Variants in TMCO5A observed in about 807,000 individuals in gnomAD.
TMCO5A encodes the protein transmembrane and coiled-coil domains 5A.
In TMCO5A, 34 loss-of-function variants were observed where a neutral mutation model predicts 42.3. The ratio of observed to expected loss-of-function variants is 0.80; its 90% CI spans 0.61 to 1.07. TMCO5A has a LOEUF of 1.07. TMCO5A is among the 50% of genes least tolerant of loss of function. The pLI is 0.00. For synonymous variants in TMCO5A, 131 were observed against 115.6 expected (o/e 1.13, Z -0.86); for missense variants, 357 against 327.9 (o/e 1.09, Z -0.69).
At chr15:37,990,500 C>G in the TMCO5A span, among the ~76,000 whole-genome samples, 1 of 151,974 alleles carries the variant, frequency 6.6e-6, no homozygotes, top group Non-Finnish European at 1.5e-5. Flanking sequence ...ATTCATATCT[C>G]TGGATCTAAA....
the TMCO5A span, among the ~76,000 whole-genome samples, chr15:37,976,214 C>T: frequency 6.6e-6 from 1 of 151,674 alleles, no homozygotes. Context: ...CACCGCACTC[C>T]AGCCTGGGTG....
chr15:37,980,585 C>T, the TMCO5A span, among the ~76,000 whole-genome samples: 3 of 141,706 alleles, frequency 2.1e-5, no homozygotes, highest in Non-Finnish European at 3.0e-5. Flanking sequence ...GCCACTCTTT[C>T]TCCTCTCTGT....
the TMCO5A span, among the ~76,000 whole-genome samples, chr15:37,981,865 G>A: frequency 6.6e-6 from 1 of 152,186 alleles, no homozygotes; most frequent in African/African-American, 2.4e-5. Flanking sequence ...ATAGATGCCA[G>A]CAGCTGGCCT....
the TMCO5A span, among the ~76,000 whole-genome samples, chr15:37,992,098 G>A: frequency 6.6e-6 from 1 of 151,996 alleles, no homozygotes; most frequent in Non-Finnish European, 1.5e-5. Flanking sequence ...GCAAAACTAT[G>A]TATCTGACAA....
At chr15:37,964,093 G>C (rs1758631866) in intron 11 of TMCO5A, among the ~76,000 whole-genome samples, 2 of 152,152 alleles carry the variant, frequency 1.3e-5, no homozygotes, top group South Asian at 4.1e-4. Context: ...CGTATTACCA[G>C]AGTTGGTTTT....
chr15:38,007,872 CTTTTTTTTTTTTTTTTTTTTTTTT>C, the TMCO5A span, among the ~76,000 whole-genome samples: 1,158 of 47,432 alleles, frequency 0.024, 42 homozygotes, highest in African/African-American at 0.088. Flanking sequence ...CTCACCCACA[CTTTTTTTTTTTTTTTTTTTTTTTT>C]TTTTTTTTTT....
intron 11 of TMCO5A, among the ~76,000 whole-genome samples, chr15:37,948,651 C>A (rs761917094): frequency 6.6e-6 from 1 of 151,642 alleles, no homozygotes; most frequent in Non-Finnish European, 1.5e-5. Context: ...GACTTGGTAT[C>A]CTGAAGGAAA....
intron 2 of TMCO5A, chr15:37,936,025 G>C (rs1469510909): frequency 1.3e-5 from 3 of 232,326 alleles, no homozygotes; most frequent in Non-Finnish European, 2.5e-5. Context: ...CCAGCGCAAG[G>C]GGTTATTTAA....
chr15:37,969,187 C>A (rs1890627876), downstream of TMCO5A, among the ~76,000 whole-genome samples: 1 of 152,154 alleles, frequency 6.6e-6, no homozygotes, highest in Non-Finnish European at 1.5e-5. Flanking sequence ...AGAAAAATGA[C>A]ATGCCACATA....
At chr15:37,968,986 A>G (rs867553591), downstream of TMCO5A, among the ~76,000 whole-genome samples, 3 of 152,232 alleles carry the variant, frequency 2.0e-5, no homozygotes, top group African/African-American at 7.2e-5. Flanking sequence ...TTAAATCCTT[A>G]GTACTGTGTA....
chr15:37,990,818 G>T, the TMCO5A span, among the ~76,000 whole-genome samples: 1 of 151,772 alleles, frequency 6.6e-6, no homozygotes, highest in East Asian at 1.9e-4. Flanking sequence ...TTACTATGGG[G>T]ATTACATTTA....
chr15:37,938,291 G>A (rs1889601898), intron 6 of TMCO5A, 62 bp downstream of exon 6: 6 of 1,390,198 alleles, frequency 4.3e-6, no homozygotes, highest in African/African-American at 1.5e-5. Context: ...AAGCTGTTAA[G>A]TTGGAAATCA....
chr15:37,936,492 T>C, intron 3 of TMCO5A, 29 bp downstream of exon 3: 1 of 1,594,268 alleles, frequency 6.3e-7, no homozygotes, highest in Non-Finnish European at 8.5e-7. Flanking sequence ...TGAGGGAAGT[T>C]CCCAATCCAA....
intron 6 of TMCO5A, among the ~76,000 whole-genome samples, chr15:37,939,011 T>C (rs918562071): frequency 6.6e-6 from 1 of 152,116 alleles, no homozygotes; most frequent in African/African-American, 2.4e-5. Flanking sequence ...AATTTTTTTA[T>C]TATTATACTT....
intron 8 of TMCO5A, among the ~76,000 whole-genome samples, 195 bp from the exon 9 acceptor site, chr15:37,941,996 C>T (rs1478605517): frequency 6.6e-6 from 1 of 152,000 alleles, no homozygotes; most frequent in African/African-American, 2.4e-5. Context: ...GTCAATGATG[C>T]CCAGAAACCT....
At chr15:37,953,721 G>T (rs1211510550), downstream of TMCO5A, among the ~76,000 whole-genome samples, 1 of 151,896 alleles carries the variant, frequency 6.6e-6, no homozygotes, top group South Asian at 2.1e-4. Context: ...CTAAAGTAAG[G>T]CACCAGGGAC....
the TMCO5A span, among the ~76,000 whole-genome samples, chr15:38,028,864 C>T: frequency 8.5e-5 from 13 of 152,172 alleles, 1 homozygote; most frequent in South Asian, 2.7e-3. Flanking sequence ...CTGCTGGACT[C>T]TAAAAACTAC....
At chr15:38,016,513 A>C in the TMCO5A span, among the ~76,000 whole-genome samples, 5 of 152,154 alleles carry the variant, frequency 3.3e-5, 1 homozygote, top group Admixed American at 1.3e-4. Flanking sequence ...TTGGTGCAAG[A>C]CTAAATGGCA....
intron 11 of TMCO5A, among the ~76,000 whole-genome samples, chr15:37,948,544 T>C (rs909286450): frequency 6.6e-6 from 1 of 152,090 alleles, no homozygotes; most frequent in Non-Finnish European, 1.5e-5. Context: ...CAGAATTTTC[T>C]CTAGAACTCC....
Sources: gnomAD v4.1 joint callset for allele counts (sites outside exome capture counted in the v4.1 genomes callset) on GRCh38, gnomAD v4.1.1 for gene constraint, MANE v1.5 for transcripts, NCBI Gene and HGNC (gene_info 2026-07-23, HGNC 2026-07-21) for gene names.